Variants in GPC5 observed in about 807,000 individuals in gnomAD.
GPC5 encodes the protein glypican-5.
Under a neutral mutation model 53.9 loss-of-function variants are expected in GPC5, and 47 were observed. That is an observed-to-expected ratio of 0.87 (90% confidence interval 0.69 to 1.11). The LOEUF (loss-of-function observed/expected upper bound fraction) is 1.11, where lower values mean the gene tolerates loss of function less well. Ranked by LOEUF, GPC5 falls within the 50% of genes most tolerant of loss-of-function variation. The probability of loss-of-function intolerance (pLI) is 0.00; values close to 1 mark genes in which losing one functional copy is unlikely to be tolerated. For synonymous variants in GPC5, 286 were observed against 263.3 expected, an observed-to-expected ratio of 1.09 and a Z score of -0.84; for missense variants, 748 against 713.1, an observed-to-expected ratio of 1.05 and a Z score of -0.56.
At chr13:91,572,104 T>TAC (rs375349204) in intron 2 of GPC5, among the ~76,000 whole-genome samples, 2,063 of 120,516 alleles carry the variant, frequency 0.017, 95 homozygotes, top group Non-Finnish European at 0.02. Flanking sequence ...TGTGTGTATA[T>TAC]ACACACATGT....
intron 2 of GPC5, among the ~76,000 whole-genome samples, chr13:91,495,233 A>G (rs1165991664): frequency 6.6e-6 from 1 of 152,136 alleles, no homozygotes; most frequent in African/African-American, 2.4e-5. Context: ...CACCCCTTCC[A>G]CTGCTAACAG....
intron 6 of GPC5, chr13:91,996,452 T>C (rs2040504637): frequency 6.6e-6 from 1 of 152,252 alleles, no homozygotes; most frequent in Non-Finnish European, 1.5e-5. Flanking sequence ...ATTATAGTCA[T>C]CAGATATAGT....
intron 2 of GPC5, among the ~76,000 whole-genome samples, chr13:91,630,516 A>G (rs1205098211): frequency 6.6e-6 from 1 of 152,156 alleles, no homozygotes; most frequent in African/African-American, 2.4e-5. Flanking sequence ...GGAAATTTAG[A>G]TTTTTTAGCT....
At chr13:92,508,773 A>G (rs1880464820) in intron 7 of GPC5, among the ~76,000 whole-genome samples, 1 of 152,220 alleles carries the variant, frequency 6.6e-6, no homozygotes, top group African/African-American at 2.4e-5. Flanking sequence ...AGGTAAAACA[A>G]TTTAATAAAA....
At chr13:91,855,443 T>C (rs1032247551) in intron 5 of GPC5, among the ~76,000 whole-genome samples, 1 of 151,730 alleles carries the variant, frequency 6.6e-6, no homozygotes, top group Admixed American at 6.6e-5. Context: ...CCTGATATTA[T>C]GGAGTTATGG....
At chr13:92,424,516 CA>C (rs1876736868) in intron 7 of GPC5, among the ~76,000 whole-genome samples, 1 of 151,976 alleles carries the variant, frequency 6.6e-6, no homozygotes, top group East Asian at 1.9e-4. Context: ...GGTACACAGA[CA>C]TTTTTTGTTC....
At chr13:91,955,523 G>A (rs1347681871) in intron 6 of GPC5, among the ~76,000 whole-genome samples, 2 of 151,870 alleles carry the variant, frequency 1.3e-5, no homozygotes, top group Non-Finnish European at 1.5e-5. Context: ...GGGAAGCAAG[G>A]CAGCCTGGTT....
At chr13:92,144,391 A>G (rs1231739408) in intron 6 of GPC5, among the ~76,000 whole-genome samples, 1 of 152,190 alleles carries the variant, frequency 6.6e-6, no homozygotes, top group Non-Finnish European at 1.5e-5. Flanking sequence ...TTTAGACAGA[A>G]TCATTTTCTG....
chr13:92,767,655 C>CTGTT (rs1286251570), intron 7 of GPC5, among the ~76,000 whole-genome samples: 1 of 152,100 alleles, frequency 6.6e-6, no homozygotes, highest in African/African-American at 2.4e-5. Flanking sequence ...GTTAGTTACA[C>CTGTT]TGTTAGTTAC....
chr13:92,454,310 TG>T (rs1433152657), intron 7 of GPC5, among the ~76,000 whole-genome samples: 3 of 152,202 alleles, frequency 2.0e-5, no homozygotes, highest in Non-Finnish European at 4.4e-5. Flanking sequence ...GGTTTTATGT[TG>T]TTTTTTTGCT....
At chr13:92,156,582 G>T (rs920057833) in intron 7 of GPC5, among the ~76,000 whole-genome samples, 2 of 151,782 alleles carry the variant, frequency 1.3e-5, no homozygotes, top group Non-Finnish European at 2.9e-5. Flanking sequence ...TTATTTAATT[G>T]GCAAAAACCA....
At chr13:91,796,543 A>T (rs1405364006) in intron 5 of GPC5, among the ~76,000 whole-genome samples, 1 of 152,170 alleles carries the variant, frequency 6.6e-6, no homozygotes, top group African/African-American at 2.4e-5. Flanking sequence ...CTCAGGCAAT[A>T]GATGATTTGA....
chr13:91,726,997 A>G (rs79346544), intron 3 of GPC5, among the ~76,000 whole-genome samples: 3,270 of 152,164 alleles, frequency 0.021, 137 homozygotes, highest in African/African-American at 0.076. Flanking sequence ...CCCATTTCTC[A>G]CACCATGTAC....
At position 92,434,262 on chromosome 13, in the gene GPC5, G is replaced by C. The variant is rs1179348062; in HGVS notation, c.1561+289273G>C. Among the ~76,000 whole-genome samples, 4 of 152,086 alleles carry C rather than the reference G, an allele frequency of 2.6e-5. No individual in the cohort carries two copies. In the East Asian group the frequency reaches 7.7e-4, roughly 29 times the overall value. Reference sequence around the variant, plus strand: ...AGTACTGGTAGATAAAAACAATTTAGAGAACCATAACAACCACTAAGAAAT... The same window carrying C: ...AGTACTGGTAGATAAAAACAATTTACAGAACCATAACAACCACTAAGAAAT... On this transcript the variant is annotated intron_variant, in intron 7 of 7. Transcript: ENST00000377067.
intron 7 of GPC5, among the ~76,000 whole-genome samples, chr13:92,620,842 T>A (rs1380923373): frequency 6.6e-6 from 1 of 152,232 alleles, no homozygotes; most frequent in Non-Finnish European, 1.5e-5. Flanking sequence ...CATATCACTA[T>A]CTTTAAACAG....
At chr13:91,552,906 C>T (rs2030730591) in intron 2 of GPC5, among the ~76,000 whole-genome samples, 1 of 152,128 alleles carries the variant, frequency 6.6e-6, no homozygotes, top group Admixed American at 6.6e-5. Flanking sequence ...CTAATACACA[C>T]ATTTTCTGGA....
At chr13:92,348,294 A>G (rs1472322867) in intron 7 of GPC5, among the ~76,000 whole-genome samples, 5 of 151,958 alleles carry the variant, frequency 3.3e-5, no homozygotes, top group Non-Finnish European at 7.4e-5. Flanking sequence ...ATGCAAATGA[A>G]AACAAAAAGA....
intron 7 of GPC5, among the ~76,000 whole-genome samples, chr13:92,664,021 G>A (rs1220301701): frequency 2.0e-5 from 3 of 150,706 alleles, no homozygotes; most frequent in Non-Finnish European, 2.9e-5. Flanking sequence ...GCAGTGAGCC[G>A]AGATTGCGCC....
chr13:92,413,925 A>T (rs1375386329), intron 7 of GPC5, among the ~76,000 whole-genome samples: 1 of 152,190 alleles, frequency 6.6e-6, no homozygotes, highest in Non-Finnish European at 1.5e-5. Flanking sequence ...AGGATGACAT[A>T]ATCTATCAAA....
Sources: gnomAD v4.1 joint callset for allele counts (sites outside exome capture counted in the v4.1 genomes callset) on GRCh38, gnomAD v4.1.1 for gene constraint, MANE v1.5 for transcripts, NCBI Gene and HGNC (gene_info 2026-07-23, HGNC 2026-07-21) for gene names.